GRAMD1B: variants seen among roughly 807,000 people sequenced by gnomAD.
GRAMD1B encodes the protein protein Aster-B.
GRAMD1B carries 37 observed loss-of-function variants against 99.7 expected under a neutral mutation model. The ratio of observed to expected loss-of-function variants is 0.37; its 90% CI spans 0.29 to 0.49. The LOEUF (loss-of-function observed/expected upper bound fraction) is 0.49. Ranked by LOEUF, GRAMD1B falls within the 20% of genes least tolerant of loss-of-function variation. GRAMD1B has a pLI of 0.98. For missense variants in GRAMD1B, 888 were observed against 1,009.2 expected, an observed-to-expected ratio of 0.88 and a Z score of 1.63; for synonymous variants, 427 against 387.6, an observed-to-expected ratio of 1.10 and a Z score of -1.19.
intron 2 of GRAMD1B, among the ~76,000 whole-genome samples, chr11:123,520,405 G>T (rs1422078212): frequency 6.6e-6 from 1 of 152,016 alleles, no homozygotes; most frequent in Non-Finnish European, 1.5e-5. Context: ...ACCCAAAAGG[G>T]GTTGGTATTC....
At chr11:123,528,614 A>G (rs1943037797) in intron 2 of GRAMD1B, among the ~76,000 whole-genome samples, 1 of 152,100 alleles carries the variant, frequency 6.6e-6, no homozygotes, top group African/African-American at 2.4e-5. Context: ...AAGTTTCCCC[A>G]GTGATTCACC....
At chr11:123,461,265 C>T (rs1950401230) in intron 1 of GRAMD1B, among the ~76,000 whole-genome samples, 1 of 152,230 alleles carries the variant, frequency 6.6e-6, no homozygotes, top group African/African-American at 2.4e-5. Context: ...GCTCCTAAAT[C>T]AAGCTATGTT....
intron 2 of GRAMD1B, among the ~76,000 whole-genome samples, chr11:123,566,207 A>G (rs1947352750): frequency 6.6e-6 from 1 of 152,210 alleles, no homozygotes; most frequent in South Asian, 2.1e-4. Context: ...GCAACAGACT[A>G]AAAACACAGG....
At chr11:123,572,456 C>T (rs1401605787) in intron 2 of GRAMD1B, among the ~76,000 whole-genome samples, 1 of 152,194 alleles carries the variant, frequency 6.6e-6, no homozygotes, top group Non-Finnish European at 1.5e-5. Flanking sequence ...TTTGTTTGCT[C>T]AGCAGGACAT....
At chr11:123,614,548 C>A (rs1954082870) in intron 16 of GRAMD1B, among the ~76,000 whole-genome samples, 197 bp from the exon 17 acceptor site, 1 of 152,178 alleles carries the variant, frequency 6.6e-6, no homozygotes, top group African/African-American at 2.4e-5. Flanking sequence ...GATGACCTGA[C>A]CCAACCCATG....
chr11:123,568,527 A>G (rs193065582), intron 2 of GRAMD1B, among the ~76,000 whole-genome samples: 11 of 152,358 alleles, frequency 7.2e-5, no homozygotes, highest in African/African-American at 2.2e-4. Context: ...CAAGAGGTTC[A>G]TTTCTGTCAA....
intron 2 of GRAMD1B, among the ~76,000 whole-genome samples, chr11:123,558,450 C>G (rs1383134123): frequency 6.6e-6 from 1 of 152,138 alleles, no homozygotes; most frequent in East Asian, 1.9e-4. Context: ...AGGAGAGGTA[C>G]CCAACCGTTC....
In GRAMD1B at chr11:123,411,535, G is replaced by A. The variant is rs533675600; in HGVS notation, c.-176+52736G>A. ...ATTATTTAGGTTTGATGTAGCAGTTGTGGGCTTGGTATTATTGGCTTAAGT... is the reference window on the plus strand; with the variant it reads ...ATTATTTAGGTTTGATGTAGCAGTTATGGGCTTGGTATTATTGGCTTAAGT... On this transcript the variant is annotated intron_variant, in intron 1 of 20. Transcript: ENST00000638157. 2.0e-3 allele frequency among the ~76,000 whole-genome samples: 306 copies of A among 152,302 alleles called. 5 individuals carry two copies. Among genetic ancestry groups the A allele is most frequent in the African/African-American group, 7.1e-3 (293 of 41,554 alleles).
intron 1 of GRAMD1B, among the ~76,000 whole-genome samples, chr11:123,418,370 G>T (rs1036426840): frequency 6.6e-6 from 1 of 152,170 alleles, no homozygotes; most frequent in South Asian, 2.1e-4. Context: ...GGGTGGTTAA[G>T]CTGGGGGCCT....
intron 1 of GRAMD1B, among the ~76,000 whole-genome samples, chr11:123,421,431 G>T (rs1183066652): frequency 6.6e-6 from 1 of 152,200 alleles, no homozygotes; most frequent in Non-Finnish European, 1.5e-5. Context: ...AAGTCATTAA[G>T]GTAACGCTTG....
At chr11:123,541,195 C>T (rs963317363) in intron 2 of GRAMD1B, among the ~76,000 whole-genome samples, 1 of 152,108 alleles carries the variant, frequency 6.6e-6, no homozygotes, top group Non-Finnish European at 1.5e-5. Flanking sequence ...AGGCTGGTCT[C>T]AAACTCCTGA....
chr11:123,454,767 A>G (rs911560662), intron 1 of GRAMD1B: 2 of 152,238 alleles, frequency 1.3e-5, no homozygotes, highest in African/African-American at 4.8e-5. Flanking sequence ...TCTTGATGCT[A>G]CTGAGAAGAT....
rs566090872 is a variant in GRAMD1B at position 123,458,109 on chromosome 11, G to C, written c.375-22707G>C. 1.6e-4 allele frequency among the ~76,000 whole-genome samples: 25 copies of C among 152,352 alleles called. No individual in the cohort carries two copies. In the South Asian group the frequency reaches 5.2e-3, roughly 32 times the overall value. On this transcript the variant is annotated intron_variant, in intron 1 of 19. Coordinates refer to ENST00000635736, the MANE Select transcript of GRAMD1B (RefSeq NM_001387025.1). ...ACAGAACCTAGTTGGAGTTCTGAGA[G>C]AGAGAGAGAGGAGAGGGGAGGGGAT...
intron 17 of GRAMD1B, among the ~76,000 whole-genome samples, chr11:123,615,541 C>T (rs935945814): frequency 1.3e-5 from 2 of 152,174 alleles, no homozygotes; most frequent in Non-Finnish European, 2.9e-5. Flanking sequence ...AAATATTAGC[C>T]AGGCGTGGTG....
In GRAMD1B at chr11:123,594,120, C is replaced by T; in HGVS notation, c.723C>T (p.Phe241=). ...CCTACAAGCAGAGAAATGAAGACTT[C>T]AGAAAGCTCTTTAAGCAGCTTCCAG... ...SPTYKQRNED[F]RKLFKQLPDT... Residue 241 remains phenylalanine, a synonymous_variant, in exon 5 of 20, where the codon TTC becomes TTT. Transcript: ENST00000635736. 1 of 1,613,614 alleles carries T rather than the reference C, an allele frequency of 6.2e-7. No homozygotes were observed. The highest frequency in any genetic ancestry group is 1.1e-5 in the South Asian group (1 of 91,084).
chr11:123,490,215 G>A (rs1390348500), intron 2 of GRAMD1B, among the ~76,000 whole-genome samples: 2 of 152,198 alleles, frequency 1.3e-5, no homozygotes, highest in African/African-American at 4.8e-5. Flanking sequence ...CGAAGAAGCT[G>A]GACCCGGCCA....
chr11:123,402,850 A>T (rs2135927658), intron 1 of GRAMD1B, among the ~76,000 whole-genome samples: 1 of 152,264 alleles, frequency 6.6e-6, no homozygotes, highest in Non-Finnish European at 1.5e-5. Context: ...GTGGGTGTGT[A>T]AATTATTTCC....
intron 2 of GRAMD1B, chr11:123,560,261 T>A (rs1191366072): frequency 9.2e-7 from 1 of 1,092,342 alleles, no homozygotes; most frequent in Non-Finnish European, 1.1e-6. Flanking sequence ...CGTGCGTGCC[T>A]GAGCTCAGAA....
chr11:123,615,114 G>A (rs1231450809), intron 17 of GRAMD1B, among the ~76,000 whole-genome samples: 1 of 152,222 alleles, frequency 6.6e-6, no homozygotes, highest in Non-Finnish European at 1.5e-5. Context: ...TCAAGTGGGT[G>A]AGAGAGACAG....
Sources: gnomAD v4.1 joint callset for allele counts (sites outside exome capture counted in the v4.1 genomes callset) on GRCh38, gnomAD v4.1.1 for gene constraint, MANE v1.5 for transcripts, NCBI Gene and HGNC (gene_info 2026-07-23, HGNC 2026-07-21) for gene names.